Variants in SMC6 observed in about 807,000 individuals in gnomAD.
The protein encoded by SMC6 is structural maintenance of chromosomes 6.
Under a neutral mutation model 142.2 loss-of-function variants are expected in SMC6, and 79 were observed. That is an observed-to-expected ratio of 0.56 (90% CI 0.46 to 0.67). The LOEUF is 0.67. Ranked by LOEUF, SMC6 falls within the 30% of genes least tolerant of loss-of-function variation. SMC6 has a pLI of 0.00. For synonymous variants in SMC6, 411 were observed against 412.4 expected, an observed-to-expected ratio of 1.00 and a Z score of 0.04; for missense variants, 1,072 against 1,284.0, an observed-to-expected ratio of 0.83 and a Z score of 2.52.
chr2:17,683,798 A>G (rs1667332754), intron 23 of SMC6, 35 bp from the exon 24 acceptor site: 1 of 1,581,512 alleles, frequency 6.3e-7, no homozygotes. Context: ...TAAAAAATAC[A>G]CCACACGTAA....
chr2:17,740,579 C>T (rs570445200), intron 4 of SMC6, among the ~76,000 whole-genome samples: 32 of 152,254 alleles, frequency 2.1e-4, no homozygotes, highest in African/African-American at 6.7e-4. Flanking sequence ...TGTGGCCGGG[C>T]GCAGTGGCTC....
chr2:17,725,153 G>T, intron 9 of SMC6, 104 bp downstream of exon 9: 2 of 741,670 alleles, frequency 2.7e-6, no homozygotes, highest in South Asian at 1.8e-5. Context: ...AATATTACTA[G>T]TTTTATATAA....
chr2:17,750,320 G>C (rs979583987), intron 2 of SMC6, among the ~76,000 whole-genome samples: 4 of 152,162 alleles, frequency 2.6e-5, no homozygotes, highest in Non-Finnish European at 5.9e-5. Flanking sequence ...TAGTAGAATT[G>C]GTGAGTACAA....
chr2:17,701,033 AAATAATAAT>A (rs61348893), intron 20 of SMC6, among the ~76,000 whole-genome samples: 32,911 of 144,194 alleles, frequency 0.23, 6,405 homozygotes, highest in African/African-American at 0.53. Context: ...CTCCGTCTCA[AAATAATAAT>A]AATAATAATA....
intron 5 of SMC6, among the ~76,000 whole-genome samples, chr2:17,736,790 T>C (rs990047695): frequency 6.6e-6 from 1 of 151,962 alleles, no homozygotes; most frequent in African/African-American, 2.4e-5. Flanking sequence ...GAGAATCACT[T>C]GAACCCGGGA....
At chr2:17,746,048 C>T (rs1670731282) in intron 2 of SMC6, 97 bp from the exon 3 acceptor site, 2 of 1,166,684 alleles carry the variant, frequency 1.7e-6, no homozygotes, top group Non-Finnish European at 2.3e-6. Flanking sequence ...ACTTTAGGTA[C>T]TATGTCCATC....
intron 15 of SMC6, 138 bp from the exon 16 acceptor site, chr2:17,715,203 C>A (rs1475533660): frequency 5.1e-6 from 4 of 782,790 alleles, no homozygotes. Flanking sequence ...ATCATTTAAT[C>A]ATAGTTTATA....
chr2:17,730,398 G>GAA (rs199786807), intron 7 of SMC6, among the ~76,000 whole-genome samples: 1,430 of 107,896 alleles, frequency 0.013, 21 homozygotes, highest in African/African-American at 0.041. Flanking sequence ...CACTCATCCA[G>GAA]AAAAAAAAAA....
chr2:17,666,390 A>G (rs765820105), intron 27 of SMC6, 30 bp downstream of exon 27: 10 of 1,453,506 alleles, frequency 6.9e-6, no homozygotes, highest in Admixed American at 1.7e-5. Context: ...TATATACTTG[A>G]TATGTATCTA....
At chr2:17,725,381 A>C (rs1669562691) in intron 8 of SMC6, 23 bp from the exon 9 acceptor site, 1 of 1,526,006 alleles carries the variant, frequency 6.6e-7, no homozygotes, top group Non-Finnish European at 8.8e-7. Context: ...ACAAAAAAAA[A>C]CGCAATTAGG....
chr2:17,739,402 C>G, intron 4 of SMC6, among the ~76,000 whole-genome samples: 1 of 152,152 alleles, frequency 6.6e-6, no homozygotes, highest in Non-Finnish European at 1.5e-5. Context: ...CACAGCACTT[C>G]GGAAGGCCAA....
At chr2:17,731,478 AG>A (rs1669911006) in intron 6 of SMC6, among the ~76,000 whole-genome samples, 1 of 152,222 alleles carries the variant, frequency 6.6e-6, no homozygotes, top group South Asian at 2.1e-4. Context: ...CTGGTGTGAT[AG>A]GAAGTCTGTA....
intron 27 of SMC6, 93 bp from the exon 28 acceptor site, chr2:17,665,706 A>T: frequency 1.5e-6 from 1 of 646,750 alleles, no homozygotes; most frequent in Non-Finnish European, 2.5e-6. Context: ...TATAAAGCTA[A>T]ATATTTGGCT....
At chr2:17,696,141 G>A (rs1487532857) in intron 22 of SMC6, 148 bp downstream of exon 22, 2 of 962,164 alleles carry the variant, frequency 2.1e-6, no homozygotes, top group Non-Finnish European at 3.0e-6. Context: ...AGCCTCTTCT[G>A]TTGATTCACC....
In SMC6 at chr2:17,721,226, T is replaced by C; in HGVS notation, c.762A>G (p.Lys254=). 6.2e-7 allele frequency: 1 copy of C among 1,611,070 alleles called. No individual in the cohort carries two copies. Among genetic ancestry groups the C allele is most frequent in the East Asian group, 2.2e-5 (1 of 44,804 alleles). The change falls in exon 10 of 28, where the codon AAA becomes AAG. Residue 254 remains lysine (K), a synonymous_variant. Coordinates refer to ENST00000448223, the MANE Select transcript of SMC6 (RefSeq NM_001142286.2). ...LTELKRQCVE[K]EERFQSIAGL... ...CAGCAATACTTTGAAAACGTTCCTC[T>C]TTCTCTACACACTGGCGCTTTAGTT...
intron 2 of SMC6, 174 bp from the exon 3 acceptor site, chr2:17,746,125 C>A: frequency 1.7e-6 from 1 of 587,644 alleles, no homozygotes; most frequent in Non-Finnish European, 2.6e-6. Context: ...GGACATGAGT[C>A]AAAAAATGCT....
At chr2:17,751,789 T>C (rs754016836) in intron 2 of SMC6, among the ~76,000 whole-genome samples, 1 of 152,248 alleles carries the variant, frequency 6.6e-6, no homozygotes, top group Non-Finnish European at 1.5e-5. Flanking sequence ...GTGTCTTAAA[T>C]ATAATGCAAG....
intron 16 of SMC6, chr2:17,713,519 AG>A (rs1404414594): frequency 4.2e-6 from 2 of 471,022 alleles, no homozygotes; most frequent in African/African-American, 4.0e-5. Context: ...TCTTCTTCAG[AG>A]TCTTTGTGTC....
intron 21 of SMC6, among the ~76,000 whole-genome samples, chr2:17,697,928 T>C (rs1668087406): frequency 6.6e-6 from 1 of 152,108 alleles, no homozygotes; most frequent in East Asian, 1.9e-4. Flanking sequence ...AATTGATGAA[T>C]GCATAAATGT....
Sources: gnomAD v4.1 joint callset for allele counts (sites outside exome capture counted in the v4.1 genomes callset) on GRCh38, gnomAD v4.1.1 for gene constraint, MANE v1.5 for transcripts, NCBI Gene and HGNC (gene_info 2026-07-23, HGNC 2026-07-21) for gene names.